KCNH5: variants seen among roughly 807,000 people sequenced by gnomAD.
KCNH5 encodes the protein potassium voltage-gated channel subfamily H member 5.
Under a neutral mutation model 96.1 loss-of-function variants are expected in KCNH5, and 46 were observed. The observed-to-expected ratio is 0.48, with a 90% CI of 0.38 to 0.61. KCNH5 has a LOEUF of 0.61. KCNH5 is among the 20% of genes least tolerant of loss of function. KCNH5 has a pLI of 0.00. For missense variants in KCNH5, 907 were observed against 1,225.8 expected (o/e 0.74, Z 3.88); for synonymous variants, 439 against 449.8 (o/e 0.98, Z 0.30).
At chr14:62,890,268 A>C (rs948081968) in intron 7 of KCNH5, among the ~76,000 whole-genome samples, 1 of 152,252 alleles carries the variant, frequency 6.6e-6, no homozygotes, top group African/African-American at 2.4e-5. Context: ...GCACAGCAAA[A>C]GAAACCATCA....
intron 7 of KCNH5, among the ~76,000 whole-genome samples, chr14:62,924,962 A>C (rs1295987759): frequency 1.3e-5 from 2 of 152,016 alleles, no homozygotes; most frequent in East Asian, 3.8e-4. Flanking sequence ...TATTCTTACC[A>C]CACACATAAA....
intron 6 of KCNH5, 46 bp from the exon 7 acceptor site, chr14:62,950,605 A>T (rs1182146726): frequency 6.8e-7 from 1 of 1,471,528 alleles, no homozygotes; most frequent in Admixed American, 2.4e-5. Context: ...TTTCAGGAAA[A>T]AAAAAGGCTG....
At chr14:62,859,681 C>T (rs1887996113) in intron 7 of KCNH5, among the ~76,000 whole-genome samples, 1 of 152,232 alleles carries the variant, frequency 6.6e-6, no homozygotes, top group African/African-American at 2.4e-5. Context: ...TCCTTCCATG[C>T]AAAGTGCATA....
intron 1 of KCNH5, among the ~76,000 whole-genome samples, chr14:63,033,340 T>C (rs894537331): frequency 6.6e-6 from 1 of 152,200 alleles, no homozygotes; most frequent in Non-Finnish European, 1.5e-5. Flanking sequence ...TTCACAAACT[T>C]AGCCATTCAT....
intron 9 of KCNH5, among the ~76,000 whole-genome samples, chr14:62,799,446 G>A (rs1886603714): frequency 6.6e-6 from 1 of 150,822 alleles, no homozygotes; most frequent in Non-Finnish European, 1.5e-5. Context: ...GGTGGTGCAT[G>A]CCTGTAATCC....
rs569877464 is a variant in KCNH5, at chr14:62,859,385, C to T, written c.1370-9533G>A. On this transcript the variant is annotated intron_variant, in intron 7 of 10. Coordinates refer to ENST00000322893, the MANE Select transcript of KCNH5 (RefSeq NM_139318.5). ...TGGCCACTTTGTTCATGGGCGATGA[C>T]GGGGTGGCTGGGGAAAGAGGCCAAG... Among the ~76,000 whole-genome samples, 47 of 152,154 alleles carry T rather than the reference C, an allele frequency of 3.1e-4. 2 individuals are homozygous for T. The South Asian group carries it at 7.3e-3, about 24-fold the overall frequency.
intron 1 of KCNH5, among the ~76,000 whole-genome samples, chr14:63,033,806 C>T (rs1200964987): frequency 7.0e-6 from 1 of 142,560 alleles, no homozygotes; most frequent in African/African-American, 2.6e-5. Flanking sequence ...AAGGAATTGG[C>T]AATAAGTTAA....
intron 9 of KCNH5, among the ~76,000 whole-genome samples, chr14:62,782,382 A>C (rs1471314446): frequency 6.6e-6 from 1 of 152,198 alleles, no homozygotes; most frequent in Non-Finnish European, 1.5e-5. Flanking sequence ...ATGAAACAAC[A>C]ATCATGAATA....
Position 62,899,534 on chromosome 14 carries a change from C to A in KCNH5, c.1370-49682G>T, listed in dbSNP as rs112740118. On this transcript the variant is annotated intron_variant, in intron 7 of 10. Coordinates refer to ENST00000322893, the MANE Select transcript of KCNH5 (RefSeq NM_139318.5). The stretch of plus-strand genomic sequence containing the variant: ...TGACTTTTTACCCCATAAATCTATA[C>A]AGTAAAAAAAATTGAGGCCGGGCGC... Among the ~76,000 whole-genome samples, 93 of 152,150 alleles carry A rather than the reference C, an allele frequency of 6.1e-4. 2 individuals carry two copies. The highest frequency in any genetic ancestry group is 2.0e-3 in the African/African-American group (84 of 41,516).
At chr14:62,718,751 T>C (rs981702923) in intron 10 of KCNH5, among the ~76,000 whole-genome samples, 1 of 152,218 alleles carries the variant, frequency 6.6e-6, no homozygotes, top group Non-Finnish European at 1.5e-5. Context: ...CAAAAACTTG[T>C]ACATGAATGT....
chr14:62,981,642 A>G (rs1274145091), intron 5 of KCNH5, among the ~76,000 whole-genome samples: 1 of 152,200 alleles, frequency 6.6e-6, no homozygotes, highest in Non-Finnish European at 1.5e-5. Context: ...ATACACATTT[A>G]GCACCTCAGG....
chr14:62,727,980 C>A (rs1403058341), intron 10 of KCNH5, among the ~76,000 whole-genome samples: 1 of 149,282 alleles, frequency 6.7e-6, no homozygotes, highest in Non-Finnish European at 1.5e-5. Context: ...ACGAGATACT[C>A]CAGAGCAGTC....
chr14:62,711,637 G>A (rs2139903137), intron 10 of KCNH5, among the ~76,000 whole-genome samples: 1 of 152,282 alleles, frequency 6.6e-6, no homozygotes, highest in Non-Finnish European at 1.5e-5. Flanking sequence ...TCAGGAGCCA[G>A]CAATGCACAG....
At chr14:62,965,047 T>A (rs1289369909) in intron 6 of KCNH5, among the ~76,000 whole-genome samples, 1 of 152,116 alleles carries the variant, frequency 6.6e-6, no homozygotes, top group African/African-American at 2.4e-5. Context: ...GATTCCCCAA[T>A]ACTTATAATA....
chr14:62,981,926 A>T (rs1890615536), intron 5 of KCNH5, among the ~76,000 whole-genome samples: 1 of 152,188 alleles, frequency 6.6e-6, no homozygotes, highest in Non-Finnish European at 1.5e-5. Flanking sequence ...TTTTAGTGTA[A>T]GTTTATATGA....
intron 10 of KCNH5, among the ~76,000 whole-genome samples, chr14:62,743,064 A>C (rs755339460): frequency 2.6e-4 from 39 of 152,102 alleles, no homozygotes; most frequent in Middle Eastern, 3.4e-3. Context: ...GCTCAACTAC[A>C]AGTGAGTTTT....
At chr14:62,776,827 A>G (rs999074710) in intron 10 of KCNH5, among the ~76,000 whole-genome samples, 9 of 152,206 alleles carry the variant, frequency 5.9e-5, no homozygotes, top group Non-Finnish European at 1.5e-5. Flanking sequence ...ATGGAGATGA[A>G]GGCAAGCAGC....
chr14:62,783,478 T>C (rs867117912), intron 9 of KCNH5, among the ~76,000 whole-genome samples: 4 of 152,242 alleles, frequency 2.6e-5, no homozygotes, highest in South Asian at 2.1e-4. Context: ...AAAGGTTACA[T>C]TTCTCTATGA....
At chr14:62,756,285 G>GAA (rs1885622194) in intron 10 of KCNH5, among the ~76,000 whole-genome samples, 1 of 152,040 alleles carries the variant, frequency 6.6e-6, no homozygotes. Flanking sequence ...ATACATCAGT[G>GAA]AAAGAAACTA....
Sources: allele counts gnomAD v4.1 joint callset (sites outside exome capture counted in the v4.1 genomes callset), GRCh38; gene constraint gnomAD v4.1.1; transcripts MANE v1.5; gene names NCBI Gene and HGNC (gene_info 2026-07-23, HGNC 2026-07-21).